The following HGF variants were observed in gnomAD, a reference collection of about 807,000 sequenced individuals.
The protein encoded by HGF is fibroblast-derived tumor cytotoxic factor.
Under a neutral mutation model 111.6 loss-of-function variants are expected in HGF, and 39 were observed. The ratio of observed to expected loss-of-function variants is 0.35; its 90% confidence interval spans 0.27 to 0.46. The LOEUF (loss-of-function observed/expected upper bound fraction) is 0.46. HGF is among the 20% of genes least tolerant of loss of function. The probability of loss-of-function intolerance (pLI) is 1.00; values close to 1 mark genes in which losing one functional copy is unlikely to be tolerated. For synonymous variants in HGF, 285 were observed against 294.8 expected, an observed-to-expected ratio of 0.97 and a Z score of 0.34; for missense variants, 735 against 910.5, an observed-to-expected ratio of 0.81 and a Z score of 2.48.
At chr7:81,725,724 G>A (rs1288803841) in intron 9 of HGF, among the ~76,000 whole-genome samples, 166 bp downstream of exon 9, 2 of 152,166 alleles carry the variant, frequency 1.3e-5, no homozygotes, top group Admixed American at 1.3e-4. Context: ...AATAAATCTT[G>A]AGTGAATAAA....
chr7:81,734,267 C>T (rs867286889), intron 7 of HGF, among the ~76,000 whole-genome samples: 2 of 152,202 alleles, frequency 1.3e-5, no homozygotes, highest in Middle Eastern at 3.4e-3. Context: ...TCAGCAGTGG[C>T]TACCCATTGG....
intron 5 of HGF, chr7:81,750,929 A>T (rs1788467462): frequency 1.1e-6 from 1 of 907,092 alleles, no homozygotes; most frequent in Non-Finnish European, 1.3e-6. Context: ...TATTTTTAAA[A>T]GAAAAGAAAA....
At chr7:81,712,736 G>A (rs2115813695) in intron 11 of HGF, among the ~76,000 whole-genome samples, 1 of 152,268 alleles carries the variant, frequency 6.6e-6, no homozygotes, top group South Asian at 2.1e-4. Flanking sequence ...CCCTGGAAAT[G>A]CCCTGAGCTC....
At chr7:81,748,071 G>C (rs927278556) in intron 5 of HGF, among the ~76,000 whole-genome samples, 1 of 152,182 alleles carries the variant, frequency 6.6e-6, no homozygotes, top group Admixed American at 6.5e-5. Context: ...TGTTAAACCT[G>C]AGCCAGGAAC....
intron 4 of HGF, chr7:81,755,611 G>A: frequency 5.9e-6 from 1 of 170,122 alleles, no homozygotes; most frequent in Admixed American, 6.2e-5. Context: ...GCATTCTCCT[G>A]GACTAGGGTA....
At position 81,743,262 on chromosome 7, in the gene HGF, TA is replaced by T. The variant is rs1407476221; in HGVS notation, c.865+90del. On this transcript the variant is annotated intron_variant, in intron 7 of 17. Transcript: ENST00000222390. ...ACCTGCACACATTAAAGCATCAAGT[TA>T]AATAGTTGTTAACCTGTCTCACTAA... 3.6e-6 allele frequency: 3 copies of T among 825,802 alleles called. No homozygotes were observed. The Admixed American group carries it at 5.1e-5, about 14-fold the overall frequency. The allele number at this position is 825,802 out of a possible 1,614,324, so 51.2% of individuals were successfully genotyped here.
rs1172395985 is a variant in HGF, at chr7:81,742,704, A to G, written c.865+649T>C. The G allele has an allele frequency of 4.3e-6, 6 of 1,393,434 alleles. No homozygotes were observed. In the East Asian group the frequency reaches 1.3e-4, roughly 31 times the overall value. 86.3% of individuals were successfully genotyped at this position (1,393,434 alleles called of 1,614,324 possible). ...AACAATATAAAACACGTTAAAAAATAGTTTTTATTGTAAATTCAGAAAAGC... is the reference window on the plus strand; with the variant it reads ...AACAATATAAAACACGTTAAAAAATGGTTTTTATTGTAAATTCAGAAAAGC... On this transcript the variant is annotated intron_variant, in intron 7 of 17. Transcript: ENST00000222390.
intron 17 of HGF, among the ~76,000 whole-genome samples, chr7:81,703,392 T>C (rs1789339000): frequency 6.6e-6 from 1 of 151,078 alleles, no homozygotes; most frequent in South Asian, 2.1e-4. Context: ...GTTAATATAG[T>C]TATAGTTATA....
At chr7:81,725,819 A>G in intron 9 of HGF, 71 bp downstream of exon 9, 1 of 1,534,498 alleles carries the variant, frequency 6.5e-7, no homozygotes, top group Non-Finnish European at 9.0e-7. Flanking sequence ...CTTATGCTGT[A>G]AAATGTGTCC....
Position 81,705,455 on chromosome 7 carries a change from T to G in HGF, c.1945A>C (p.Lys649Gln). 6.2e-7 allele frequency: 1 copy of G among 1,612,804 alleles called. No individual in the cohort carries two copies. Among genetic ancestry groups the G allele is most frequent in the Non-Finnish European group, 8.5e-7 (1 of 1,179,096 alleles). Residue 649 changes from lysine (K) to glutamine (Q), a missense_variant, in exon 17 of 18, where the codon AAG (lysine) becomes CAG (glutamine). By Grantham distance (53) the Lys-to-Gln change is moderately conservative (BLOSUM62 1). Transcript: ENST00000222390. ...ATTTCAGACTCATTCAGAGTCACCT[T>G]CCCTCGATGATGCTGGCTGCATTTC... is the stretch of plus-strand genomic sequence containing the variant. ...NEKCSQHHRG[K>Q]VTLNESEICA...
At chr7:81,728,493 G>T (rs1227923677) in intron 8 of HGF, among the ~76,000 whole-genome samples, 1 of 152,098 alleles carries the variant, frequency 6.6e-6, no homozygotes, top group Non-Finnish European at 1.5e-5. Context: ...TATTTTCTCT[G>T]TTTCTTTGTT....
chr7:81,740,115 T>G (rs1365446864), intron 7 of HGF, among the ~76,000 whole-genome samples: 1 of 152,172 alleles, frequency 6.6e-6, no homozygotes, highest in Non-Finnish European at 1.5e-5. Flanking sequence ...GGAAAGCACC[T>G]CTTTGTGGGT....
Position 81,715,362 on chromosome 7 carries a change from A to G in HGF, c.1405+1870T>C, listed in dbSNP as rs182538374. Among the ~76,000 whole-genome samples, 45 of 152,196 alleles carry G rather than the reference A, an allele frequency of 3.0e-4. No homozygotes were observed. The East Asian group carries it at 6.9e-3, about 23-fold the overall frequency. On this transcript the variant is annotated intron_variant, in intron 11 of 17. Coordinates refer to ENST00000222390, the MANE Select transcript of HGF (RefSeq NM_000601.6). ...ATAATAATCTTTTAATAATTTTTAA[A>G]TATTTTTGTATGGCATTCTCTGAAA...
intron 1 of HGF, 32 bp from the exon 2 acceptor site, chr7:81,762,904 A>G (rs770773222): frequency 8.7e-6 from 11 of 1,267,428 alleles, no homozygotes; most frequent in African/African-American, 4.5e-5. Context: ...AAAAAAATAA[A>G]CATTGGAGAA....
Position 81,723,255 on chromosome 7 carries a change from A to T in HGF, c.1169-2408T>A, listed in dbSNP as rs2040964. Among the ~76,000 whole-genome samples, 3 of 151,978 alleles carry T rather than the reference A, an allele frequency of 2.0e-5. No individual in the cohort carries two copies. The South Asian group carries it at 6.2e-4, about 31-fold the overall frequency. ...GAGTAGAAAGTAGAAATGGAATGGCATGGAAGCAAGAGAAGAGGACACTTC... is the reference window on the plus strand; with the variant it reads ...GAGTAGAAAGTAGAAATGGAATGGCTTGGAAGCAAGAGAAGAGGACACTTC... On this transcript the variant is annotated intron_variant, in intron 9 of 17. Coordinates refer to ENST00000222390, the MANE Select transcript of HGF (RefSeq NM_000601.6).
At chr7:81,725,137 T>C (rs1253790908) in intron 9 of HGF, among the ~76,000 whole-genome samples, 1 of 152,188 alleles carries the variant, frequency 6.6e-6, no homozygotes, top group Non-Finnish European at 1.5e-5. Context: ...AGTTAAAACT[T>C]AGTCAGATTG....
At chr7:81,745,196 C>T in intron 5 of HGF, 76 bp from the exon 6 acceptor site, 2 of 1,476,684 alleles carry the variant, frequency 1.4e-6, no homozygotes, top group Admixed American at 1.7e-5. Flanking sequence ...ATTTAAAGAA[C>T]AGCACCTGTT....
chr7:81,725,216 C>T (rs1414066055), intron 9 of HGF, among the ~76,000 whole-genome samples: 1 of 152,184 alleles, frequency 6.6e-6, no homozygotes, highest in African/African-American at 2.4e-5. Context: ...GCAAACAATT[C>T]CTGAAAGGCT....
chr7:81,751,292 T>C (rs2116107406), intron 5 of HGF: 2 of 985,044 alleles, frequency 2.0e-6, no homozygotes, highest in South Asian at 9.4e-5. Flanking sequence ...ATGTTTCACT[T>C]AGATTTTTGG....
Sources: gnomAD v4.1 joint callset for allele counts (sites outside exome capture counted in the v4.1 genomes callset) on GRCh38, gnomAD v4.1.1 for gene constraint, MANE v1.5 for transcripts, NCBI Gene and HGNC (gene_info 2026-07-23, HGNC 2026-07-21) for gene names.